HSD17B12: variants seen among roughly 807,000 people sequenced by gnomAD.
HSD17B12 encodes very-long-chain 3-oxoacyl-CoA reductase.
In HSD17B12, 32 loss-of-function variants were observed where a neutral mutation model predicts 39.3. The observed-to-expected ratio is 0.81, with a 90% CI of 0.61 to 1.09. The LOEUF (loss-of-function observed/expected upper bound fraction) is 1.09, where lower values mean the gene tolerates loss of function less well. Ranked by LOEUF, HSD17B12 falls within the 50% of genes least tolerant of loss-of-function variation. HSD17B12 has a pLI of 0.00. For synonymous variants in HSD17B12, 150 were observed against 146.7 expected (o/e 1.02, Z -0.16); for missense variants, 342 against 382.9 (o/e 0.89, Z 0.89).
chr11:43,753,909 G>T, intron 2 of HSD17B12, 137 bp from the exon 3 acceptor site: 1 of 530,050 alleles, frequency 1.9e-6, no homozygotes, highest in Admixed American at 3.3e-5. Context: ...TCTCTATTTT[G>T]GATTATGTCT....
chr11:43,712,154 C>T (rs958154828), intron 1 of HSD17B12, among the ~76,000 whole-genome samples: 2 of 152,084 alleles, frequency 1.3e-5, no homozygotes, highest in African/African-American at 4.8e-5. Flanking sequence ...CTCAGCCTGG[C>T]GCAGTGGCTC....
At chr11:43,826,084 T>TC (rs1554971063) in intron 6 of HSD17B12, among the ~76,000 whole-genome samples, 1 of 66,092 alleles carries the variant, frequency 1.5e-5, no homozygotes, top group African/African-American at 5.0e-5. Context: ...TTTTTTTCTT[T>TC]TTTTTTTTTT....
chr11:43,699,875 A>G (rs1949946983), intron 1 of HSD17B12, among the ~76,000 whole-genome samples: 1 of 152,224 alleles, frequency 6.6e-6, no homozygotes, highest in African/African-American at 2.4e-5. Flanking sequence ...AAAGGTGCTC[A>G]ACATCACTGA....
At chr11:43,559,143 T>G in the HSD17B12 span, among the ~76,000 whole-genome samples, 2 of 152,178 alleles carry the variant, frequency 1.3e-5, no homozygotes, top group South Asian at 4.1e-4. Flanking sequence ...AGCATCAGGT[T>G]TCTTTGTGTT....
At chr11:43,645,668 G>T in the HSD17B12 span, 1 of 152,240 alleles carries the variant, frequency 6.6e-6, no homozygotes, top group East Asian at 1.9e-4. Flanking sequence ...CTCCCCTATT[G>T]TCTGGGTTTG....
At chr11:43,589,812 T>C in the HSD17B12 span, among the ~76,000 whole-genome samples, 2 of 152,158 alleles carry the variant, frequency 1.3e-5, no homozygotes, top group Admixed American at 6.5e-5. Context: ...GAGATTTAGG[T>C]TTTTTGCCTA....
At chr11:43,719,120 G>A in intron 1 of HSD17B12, 2 of 761,152 alleles carry the variant, frequency 2.6e-6, no homozygotes, top group Non-Finnish European at 4.8e-6. Flanking sequence ...TGCTTTGGAT[G>A]TTGCCAACAA....
chr11:43,742,130 TATA>T (rs1384784517), intron 1 of HSD17B12, among the ~76,000 whole-genome samples: 55 of 118,846 alleles, frequency 4.6e-4, no homozygotes, highest in African/African-American at 1.0e-3. Flanking sequence ...TATATATATA[TATA>T]TATATATTTT....
At chr11:43,583,300 CG>C in the HSD17B12 span, among the ~76,000 whole-genome samples, 1 of 152,236 alleles carries the variant, frequency 6.6e-6, no homozygotes, top group African/African-American at 2.4e-5. Context: ...CAAGGAGCAA[CG>C]GCCGAACCCG....
the HSD17B12 span, among the ~76,000 whole-genome samples, chr11:43,637,217 CTTTTTT>C: frequency 9.1e-6 from 1 of 109,474 alleles, no homozygotes; most frequent in Admixed American, 1.2e-4. Context: ...GGTGTTTTTC[CTTTTTT>C]TTTTTTTTTT....
chr11:43,752,105 C>T (rs1950470088), intron 2 of HSD17B12, among the ~76,000 whole-genome samples: 1 of 152,020 alleles, frequency 6.6e-6, no homozygotes, highest in South Asian at 2.1e-4. Flanking sequence ...TATAAGAATG[C>T]CATTTTTGAA....
chr11:43,832,292 C>T (rs1358704527), intron 7 of HSD17B12, among the ~76,000 whole-genome samples: 3 of 152,078 alleles, frequency 2.0e-5, no homozygotes, highest in Non-Finnish European at 4.4e-5. Context: ...CTGCAGGTAA[C>T]ATGGTATTGG....
At chr11:43,633,019 T>G in the HSD17B12 span, among the ~76,000 whole-genome samples, 2 of 152,204 alleles carry the variant, frequency 1.3e-5, no homozygotes, top group Non-Finnish European at 2.9e-5. Flanking sequence ...AAATATAAAT[T>G]TAAGGGATAC....
intron 3 of HSD17B12, among the ~76,000 whole-genome samples, chr11:43,756,062 G>A (rs1423203562): frequency 6.6e-6 from 1 of 152,064 alleles, no homozygotes; most frequent in Non-Finnish European, 1.5e-5. Context: ...CAGTATGGGG[G>A]GAACCGCCCC....
chr11:43,567,117 T>G, the HSD17B12 span, among the ~76,000 whole-genome samples: 1 of 152,192 alleles, frequency 6.6e-6, no homozygotes, highest in Non-Finnish European at 1.5e-5. Context: ...ACCATCCTGA[T>G]GCAAATCTTT....
chr11:43,572,630 G>A, the HSD17B12 span, among the ~76,000 whole-genome samples: 7 of 152,236 alleles, frequency 4.6e-5, no homozygotes, highest in East Asian at 1.2e-3. Context: ...AACTGTTTTG[G>A]GAGTGATTTC....
At chr11:43,841,778 C>T (rs1951428946) in intron 9 of HSD17B12, among the ~76,000 whole-genome samples, 1 of 152,190 alleles carries the variant, frequency 6.6e-6, no homozygotes, top group South Asian at 2.1e-4. Context: ...CACCTCTGTG[C>T]ACGTCTGGTG....
At chr11:43,739,053 A>C (rs1472236439) in intron 1 of HSD17B12, among the ~76,000 whole-genome samples, 1 of 152,238 alleles carries the variant, frequency 6.6e-6, no homozygotes, top group African/African-American at 2.4e-5. Flanking sequence ...GAGTTGCAGC[A>C]AACATAGATA....
intron 3 of HSD17B12, among the ~76,000 whole-genome samples, chr11:43,776,921 T>A (rs1433111220): frequency 2.0e-5 from 3 of 152,152 alleles, no homozygotes; most frequent in African/African-American, 7.2e-5. Flanking sequence ...GTTGTAGATA[T>A]GCGGCGTTAT....
Sources: allele counts gnomAD v4.1 joint callset (sites outside exome capture counted in the v4.1 genomes callset), GRCh38; gene constraint gnomAD v4.1.1; transcripts MANE v1.5; gene names NCBI Gene and HGNC (gene_info 2026-07-23, HGNC 2026-07-21).